Variants in MARK1 observed in about 807,000 individuals in gnomAD.
The protein encoded by MARK1 is microtubule affinity regulating kinase 1.
MARK1 carries 40 observed loss-of-function variants against 96.3 expected under a neutral mutation model. That is an observed-to-expected ratio of 0.42 (90% CI 0.32 to 0.54). MARK1 has a LOEUF of 0.54. Ranked by LOEUF, MARK1 falls within the 20% of genes least tolerant of loss-of-function variation. The probability of loss-of-function intolerance (pLI) is 0.16; values close to 1 mark genes in which losing one functional copy is unlikely to be tolerated. For missense variants in MARK1, 719 were observed against 984.6 expected (o/e 0.73, Z 3.61); for synonymous variants, 317 against 341.2 (o/e 0.93, Z 0.78).
intron 6 of MARK1, 101 bp from the exon 7 acceptor site, chr1:220,615,838 C>A: frequency 1.5e-6 from 1 of 647,184 alleles, no homozygotes; most frequent in Non-Finnish European, 2.7e-6. Context: ...TAAATATTAC[C>A]TTGAAATCCG....
chr1:220,646,660 A>G (rs940270795), intron 13 of MARK1, among the ~76,000 whole-genome samples: 5 of 152,220 alleles, frequency 3.3e-5, no homozygotes, highest in Non-Finnish European at 7.3e-5. Context: ...ACTGTACTAC[A>G]AGGCTACAGT....
In MARK1 at chr1:220,528,182, C is replaced by T. The variant is rs1264745087; in HGVS notation, c.-641C>T. 6.6e-6 allele frequency: 1 copy of T among 150,440 alleles called. No homozygotes were observed. Among genetic ancestry groups the T allele is most frequent in the African/African-American group, 2.4e-5 (1 of 41,244 alleles). 9.3% of individuals were successfully genotyped at this position (150,440 alleles called of 1,614,324 possible). On this transcript the variant is annotated 5_prime_UTR_variant, in exon 1 of 18. Transcript: ENST00000366917. ...GCCTCTGGGCGCTGCGTGCCGCGCC[C>T]GCTGCTCCGCGCGCAGCCGGCTCGG...
At position 220,639,264 on chromosome 1, in the gene MARK1, A is replaced by AAAAAAT. The variant is rs200740318; in HGVS notation, c.1470+3260_1470+3265dup. On this transcript the variant is annotated intron_variant, in intron 13 of 17. Coordinates refer to ENST00000366917, the MANE Select transcript of MARK1 (RefSeq NM_018650.5). ...GGTGACAGAGTGAGAGACCCTGTCAAAAAAATAAAAATAAAAATAAAAATA... is the reference window on the plus strand; with the variant it reads ...GGTGACAGAGTGAGAGACCCTGTCAAAAAAATAAAAATAAAAATAAAAATAAAAATA... 7.9e-5 allele frequency among the ~76,000 whole-genome samples: 12 copies of AAAAAAT among 152,044 alleles called. No homozygotes were observed. The South Asian group carries it at 2.1e-3, about 26-fold the overall frequency.
intron 1 of MARK1, among the ~76,000 whole-genome samples, chr1:220,534,236 A>G (rs1476079020): frequency 6.6e-6 from 1 of 152,138 alleles, no homozygotes; most frequent in Admixed American, 6.5e-5. Context: ...ATACATTCAT[A>G]TAATCAAATT....
At chr1:220,640,845 G>A (rs1167556560) in intron 13 of MARK1, among the ~76,000 whole-genome samples, 2 of 152,158 alleles carry the variant, frequency 1.3e-5, no homozygotes, top group Admixed American at 1.3e-4. Context: ...TGTGAGACTA[G>A]AGCCTAATCA....
At chr1:220,645,890 A>G (rs1668550176) in intron 13 of MARK1, among the ~76,000 whole-genome samples, 1 of 152,192 alleles carries the variant, frequency 6.6e-6, no homozygotes, top group Admixed American at 6.5e-5. Flanking sequence ...TATTGAAGGA[A>G]CATATTCTGA....
chr1:220,625,291 A>G (rs1303692421), intron 9 of MARK1, among the ~76,000 whole-genome samples: 1 of 152,250 alleles, frequency 6.6e-6, no homozygotes, highest in Admixed American at 6.5e-5. Flanking sequence ...GGAGAAGGAC[A>G]GATGAGTGAT....
At chr1:220,546,103 C>T (rs80216550) in intron 1 of MARK1, among the ~76,000 whole-genome samples, 17,471 of 152,212 alleles carry the variant, frequency 0.11, 1,222 homozygotes, top group South Asian at 0.17. Flanking sequence ...TAGTACTTTT[C>T]CATCTATTGA....
At position 220,652,047 on chromosome 1, in the gene MARK1, C is replaced by T; in HGVS notation, c.1633C>T (p.Pro545Ser). 6.2e-7 allele frequency: 1 copy of T among 1,613,366 alleles called. No individual in the cohort carries two copies. Among genetic ancestry groups the T allele is most frequent in the Non-Finnish European group, 8.5e-7 (1 of 1,179,474 alleles). Residue 545 changes from proline (P) to serine (S), a missense_variant, in exon 15 of 18, where the codon CCC becomes TCC. This residue lies in a region of MARK1 where 501 missense variants were observed against 588.3 expected (regional missense o/e 0.85). Transcript: ENST00000366917. ...SAGSSVASAVPSARPRHQKSM... is the reference protein window; with the variant it reads ...SAGSSVASAVSSARPRHQKSM... ...AGGCTCTTCTGTGGCCTCTGCTGTC[C>T]CCTCAGCACGACCCCGCCACCAGAA...
intron 1 of MARK1, among the ~76,000 whole-genome samples, chr1:220,535,478 T>C (rs1474499396): frequency 2.0e-5 from 3 of 152,170 alleles, no homozygotes; most frequent in African/African-American, 7.2e-5. Context: ...GCTTTTTCAC[T>C]CTGTTGTTTT....
At chr1:220,653,551 A>T (rs113558056) in intron 16 of MARK1, among the ~76,000 whole-genome samples, 199 bp downstream of exon 16, 5 of 152,328 alleles carry the variant, frequency 3.3e-5, no homozygotes, top group African/African-American at 1.2e-4. Context: ...GAAAAAATGG[A>T]CAAAATGAGA....
At position 220,660,357 on chromosome 1, in the gene MARK1, T is replaced by C. The variant is rs113520053; in HGVS notation, c.2034-1455T>C. ...TTTTCTCTACGTATTCCTTTCCTTA[T>C]TTTCTCAAGATTGCATAGTTTGCAG... On this transcript the variant is annotated intron_variant, in intron 17 of 17. Coordinates refer to ENST00000366917, the MANE Select transcript of MARK1 (RefSeq NM_018650.5). Among the ~76,000 whole-genome samples, 30 of 152,286 alleles carry C rather than the reference T, an allele frequency of 2.0e-4. 1 individual carries two copies. Among genetic ancestry groups the C allele is most frequent in the African/African-American group, 7.0e-4 (29 of 41,560 alleles).
intron 1 of MARK1, among the ~76,000 whole-genome samples, chr1:220,559,752 A>C (rs971480571): frequency 6.6e-6 from 1 of 152,212 alleles, no homozygotes; most frequent in Admixed American, 6.5e-5. Flanking sequence ...TTTGATACAG[A>C]TTGATGACTG....
intron 17 of MARK1, among the ~76,000 whole-genome samples, chr1:220,659,345 T>A (rs1396067923): frequency 6.6e-6 from 1 of 152,152 alleles, no homozygotes; most frequent in Non-Finnish European, 1.5e-5. Flanking sequence ...GTTCTGTCAT[T>A]TCAGGGAGAT....
intron 1 of MARK1, among the ~76,000 whole-genome samples, chr1:220,529,705 G>T (rs1558237277): frequency 1.3e-5 from 2 of 152,218 alleles, no homozygotes; most frequent in African/African-American, 4.8e-5. Context: ...AGATGCAGAT[G>T]TGCCGGGCTT....
intron 6 of MARK1, among the ~76,000 whole-genome samples, chr1:220,613,665 A>G (rs1666582358): frequency 6.6e-6 from 1 of 152,214 alleles, no homozygotes; most frequent in African/African-American, 2.4e-5. Context: ...AAATGTATGT[A>G]TCTTTTGGCT....
Position 220,615,728 on chromosome 1 carries a change from G to T in MARK1, c.496-211G>T, listed in dbSNP as rs181286809. ...CAAAGAAATATTTTATTGTATTTTC[G>T]CAAGAGAATATTACTTTACCATATT... is the stretch of plus-strand genomic sequence containing the variant. On this transcript the variant is annotated intron_variant, in intron 6 of 17. Coordinates refer to ENST00000366917, the MANE Select transcript of MARK1 (RefSeq NM_018650.5). 1.1e-3 allele frequency among the ~76,000 whole-genome samples: 173 copies of T among 152,058 alleles called. 1 individual carries two copies. The highest frequency in any genetic ancestry group is 3.4e-3 in the Middle Eastern group (1 of 294).
intron 1 of MARK1, among the ~76,000 whole-genome samples, chr1:220,577,145 G>T (rs1375466903): frequency 1.3e-5 from 2 of 152,116 alleles, no homozygotes; most frequent in Non-Finnish European, 2.9e-5. Flanking sequence ...GCCAGGGGCA[G>T]CAGTGCACAC....
At chr1:220,628,772 C>G (rs1667496865) in intron 9 of MARK1, among the ~76,000 whole-genome samples, 1 of 152,000 alleles carries the variant, frequency 6.6e-6, no homozygotes, top group Non-Finnish European at 1.5e-5. Context: ...AATATGAATT[C>G]TCTAGAAAGT....
Sources: allele counts gnomAD v4.1 joint callset (sites outside exome capture counted in the v4.1 genomes callset), GRCh38; gene constraint gnomAD v4.1.1; regional missense constraint gnomAD v4.1.1; transcripts MANE v1.5; gene names NCBI Gene and HGNC (gene_info 2026-07-23, HGNC 2026-07-21).